Variants in LIPA observed in about 807,000 individuals in gnomAD.
LIPA encodes lipase A, lysosomal acid type.
A neutral mutation model predicts 40.6 loss-of-function variants in LIPA; 26 were observed. The ratio of observed to expected loss-of-function variants is 0.64; its 90% CI spans 0.47 to 0.89. The LOEUF (loss-of-function observed/expected upper bound fraction) is 0.89. Among genes scored for constraint, LIPA ranks in the 40% least tolerant of loss-of-function variants. LIPA has a pLI of 0.00. For synonymous variants in LIPA, 188 were observed against 168.4 expected (o/e 1.12, Z -0.90); for missense variants, 455 against 479.6 (o/e 0.95, Z 0.48).
intron 2 of LIPA, among the ~76,000 whole-genome samples, chr10:89,368,352 T>TTGTG (rs1339608752): frequency 2.5e-4 from 38 of 152,330 alleles, no homozygotes; most frequent in African/African-American, 8.9e-4. Flanking sequence ...TACATCACAT[T>TTGTG]TGTGTGTTAG....
At chr10:89,414,309 C>G (rs952424397) in intron 1 of LIPA, 1 of 154,208 alleles carries the variant, frequency 6.5e-6, no homozygotes, top group Non-Finnish European at 1.4e-5. Context: ...GCGGGCGCAT[C>G]CCTTGAGATC....
chr10:89,358,754 T>C (rs1844003076), intron 2 of LIPA, among the ~76,000 whole-genome samples: 1 of 152,000 alleles, frequency 6.6e-6, no homozygotes. Flanking sequence ...GAGTGGAATG[T>C]TGGTTACCAA....
At chr10:89,324,123 GAACTA>G (rs1233774984) in intron 1 of LIPA, among the ~76,000 whole-genome samples, 1 of 151,700 alleles carries the variant, frequency 6.6e-6, no homozygotes, top group Non-Finnish European at 1.5e-5. Context: ...ACCTGACTTT[GAACTA>G]TACTACAAGG....
intron 1 of LIPA, among the ~76,000 whole-genome samples, chr10:89,305,297 T>C (rs1328579225): frequency 6.6e-6 from 1 of 152,066 alleles, no homozygotes; most frequent in Non-Finnish European, 1.5e-5. Flanking sequence ...CATGTTAAAG[T>C]AATAAACCAA....
intron 2 of LIPA, among the ~76,000 whole-genome samples, chr10:89,383,160 C>A (rs1235357074): frequency 6.6e-6 from 1 of 152,220 alleles, no homozygotes; most frequent in Non-Finnish European, 1.5e-5. Flanking sequence ...TCAACCTGTT[C>A]TCTTTCCTAA....
chr10:89,413,173 G>T (rs304438), intron 1 of LIPA, among the ~76,000 whole-genome samples: 126,497 of 152,234 alleles, frequency 0.83, 53,131 homozygotes, highest in African/African-American at 0.95. Flanking sequence ...TGTATTTAGA[G>T]TTCATAAAAT....
intron 3 of LIPA, 35 bp from the exon 4 acceptor site, chr10:89,228,433 C>A: frequency 6.4e-7 from 1 of 1,555,888 alleles, no homozygotes; most frequent in Non-Finnish European, 8.9e-7. Context: ...GGCAGTAGCA[C>A]CAAGCTTCAA....
intron 1 of LIPA, among the ~76,000 whole-genome samples, chr10:89,291,112 T>C (rs1271802001): frequency 1.3e-5 from 2 of 152,266 alleles, no homozygotes; most frequent in East Asian, 3.9e-4. Context: ...TCTTTGTTCT[T>C]TTTTTCATTT....
At chr10:89,368,240 T>C (rs910673012) in intron 2 of LIPA, among the ~76,000 whole-genome samples, 1 of 152,240 alleles carries the variant, frequency 6.6e-6, no homozygotes, top group Non-Finnish European at 1.5e-5. Flanking sequence ...CATATTCCAC[T>C]AGCACAGAGC....
chr10:89,313,012 GCA>G (rs1349600229), intron 1 of LIPA, among the ~76,000 whole-genome samples: 2 of 152,064 alleles, frequency 1.3e-5, no homozygotes, highest in African/African-American at 4.8e-5. Context: ...AATCACACGA[GCA>G]CACACTTTTG....
At chr10:89,331,858 C>CAAAA (rs10540155) in intron 1 of LIPA, among the ~76,000 whole-genome samples, 1 of 80,610 alleles carries the variant, frequency 1.2e-5, no homozygotes, top group Non-Finnish European at 2.6e-5. Context: ...GATCCTGTCT[C>CAAAA]AAAAAAAAAA....
intron 2 of LIPA, among the ~76,000 whole-genome samples, chr10:89,377,175 A>T (rs774197179): frequency 8.5e-5 from 13 of 152,204 alleles, no homozygotes; most frequent in Non-Finnish European, 8.8e-5. Context: ...GGATCATATA[A>T]ATTTTTCATT....
upstream of LIPA, among the ~76,000 whole-genome samples, chr10:89,253,467 T>C (rs1175702428): frequency 6.6e-6 from 1 of 152,206 alleles, no homozygotes; most frequent in Non-Finnish European, 1.5e-5. Context: ...TGGGCTAGAC[T>C]GCCCCCATGA....
chr10:89,260,789 A>C (rs75473424), intron 1 of LIPA, among the ~76,000 whole-genome samples: 162 of 152,242 alleles, frequency 1.1e-3, no homozygotes, highest in African/African-American at 3.7e-3. Context: ...GAGGCAATTT[A>C]AACATGTCCC....
At chr10:89,310,437 G>A (rs769995565) in intron 1 of LIPA, among the ~76,000 whole-genome samples, 15 of 152,074 alleles carry the variant, frequency 9.9e-5, no homozygotes, top group African/African-American at 4.8e-5. Flanking sequence ...CCTACCATAC[G>A]TGCAATCAAC....
At chr10:89,381,897 T>A (rs1844166146) in intron 2 of LIPA, among the ~76,000 whole-genome samples, 1 of 152,154 alleles carries the variant, frequency 6.6e-6, no homozygotes, top group African/African-American at 2.4e-5. Flanking sequence ...GTGATTCTTG[T>A]GCCTCAGCCT....
At chr10:89,341,645 C>T (rs1235681938) in intron 1 of LIPA, among the ~76,000 whole-genome samples, 1 of 152,156 alleles carries the variant, frequency 6.6e-6, no homozygotes, top group Admixed American at 6.5e-5. Flanking sequence ...GCTGATTTAA[C>T]ACCTGGAAAC....
chr10:89,275,324 T>C (rs567469583), intron 1 of LIPA, among the ~76,000 whole-genome samples: 1 of 152,340 alleles, frequency 6.6e-6, no homozygotes, highest in East Asian at 1.9e-4. Context: ...CTCTGAATCC[T>C]GGGCCAGGTG....
chr10:89,414,497 C>T (rs776288426), exon 1 of LIPA: 11 of 378,742 alleles, frequency 2.9e-5, no homozygotes, highest in Admixed American at 4.7e-5. Flanking sequence ...AACGTCTGGC[C>T]GCGGCTCTTG....
Sources: allele counts gnomAD v4.1 joint callset (sites outside exome capture counted in the v4.1 genomes callset), GRCh38; gene constraint gnomAD v4.1.1; transcripts MANE v1.5; gene names NCBI Gene and HGNC (gene_info 2026-07-23, HGNC 2026-07-21).